The following GPM6A variants were observed in gnomAD, a reference collection of about 807,000 sequenced individuals.
GPM6A encodes the protein neuronal membrane glycoprotein M6-a.
In GPM6A, 7 loss-of-function variants were observed where a neutral mutation model predicts 32.1. That is an observed-to-expected ratio of 0.22 (90% CI 0.12 to 0.41). The LOEUF (loss-of-function observed/expected upper bound fraction) is 0.41, where lower values mean the gene tolerates loss of function less well. GPM6A is among the 10% of genes least tolerant of loss of function. The probability of loss-of-function intolerance (pLI) is 1.00; values close to 1 mark genes in which losing one functional copy is unlikely to be tolerated. For missense variants in GPM6A, 235 were observed against 347.2 expected (o/e 0.68, Z 2.57); for synonymous variants, 130 against 123.4 (o/e 1.05, Z -0.35).
chr4:175,956,509 C>T (rs1467616198), intron 1 of GPM6A, among the ~76,000 whole-genome samples: 2 of 151,718 alleles, frequency 1.3e-5, no homozygotes, highest in Non-Finnish European at 2.9e-5. Flanking sequence ...AGTTTTAAAC[C>T]AATAGTTAAG....
At chr4:175,855,945 G>T (rs552460622) in intron 1 of GPM6A, among the ~76,000 whole-genome samples, 30 of 152,298 alleles carry the variant, frequency 2.0e-4, no homozygotes, top group African/African-American at 7.0e-4. Context: ...AGAGCCTAGC[G>T]CTCGCTCTTG....
At chr4:175,749,714 C>T (rs546396094) in intron 1 of GPM6A, among the ~76,000 whole-genome samples, 9 of 152,228 alleles carry the variant, frequency 5.9e-5, no homozygotes, top group Admixed American at 3.3e-4. Flanking sequence ...ATGTAAAAAG[C>T]GATGGATGTC....
intron 1 of GPM6A, among the ~76,000 whole-genome samples, chr4:175,980,546 A>C (rs1216001521): frequency 6.6e-6 from 1 of 152,226 alleles, no homozygotes. Flanking sequence ...GGAATATTCT[A>C]GTAAATTTGT....
intron 2 of GPM6A, among the ~76,000 whole-genome samples, chr4:175,692,621 T>C (rs1238685791): frequency 3.9e-5 from 6 of 152,098 alleles, no homozygotes; most frequent in African/African-American, 1.4e-4. Flanking sequence ...TTCTCAGTTT[T>C]TTTAAATACA....
intron 1 of GPM6A, among the ~76,000 whole-genome samples, chr4:175,728,295 A>G (rs1411397805): frequency 6.6e-6 from 1 of 152,180 alleles, no homozygotes; most frequent in Admixed American, 6.5e-5. Context: ...ACTAAAAATG[A>G]TCCATCACCA....
chr4:175,642,020 T>G (rs1741176667), intron 4 of GPM6A: 1 of 152,154 alleles, frequency 6.6e-6, no homozygotes, highest in Admixed American at 6.6e-5. Flanking sequence ...GTATATGTAT[T>G]TACATATTCT....
intron 1 of GPM6A, among the ~76,000 whole-genome samples, chr4:175,987,524 TTGTGTGTGTGTG>T (rs141045074): frequency 1.3e-5 from 2 of 148,602 alleles, no homozygotes; most frequent in Non-Finnish European, 3.0e-5. Context: ...TAAAGTGTGT[TTGTGTGTGTGTG>T]TGTGTGTGTG....
rs1214236577 is a variant in GPM6A at position 175,671,970 on chromosome 4, T to C, written c.387+1710A>G. 1.3e-4 allele frequency among the ~76,000 whole-genome samples: 19 copies of C among 143,444 alleles called. No homozygotes were observed. The East Asian group carries it at 3.5e-3, about 26-fold the overall frequency. 94.1% of individuals were successfully genotyped at this position (143,444 alleles called of 152,430 possible). On this transcript the variant is annotated intron_variant, in intron 3 of 6. Transcript: ENST00000393658. The stretch of plus-strand genomic sequence containing the variant: ...CTGTTGGGTGGGACTGGTGACACAA[T>C]TGTTACCATTATAGAAAAAAAAAAA...
chr4:175,802,580 A>G (rs2111307025), intron 1 of GPM6A, among the ~76,000 whole-genome samples: 1 of 152,248 alleles, frequency 6.6e-6, no homozygotes. Flanking sequence ...TACCTTGAAC[A>G]TTACTAAACA....
chr4:175,680,786 T>C (rs1390227272), intron 2 of GPM6A, among the ~76,000 whole-genome samples: 5 of 152,216 alleles, frequency 3.3e-5, no homozygotes. Flanking sequence ...AGTGTGTGCA[T>C]GTTTGTGTAT....
chr4:175,709,596 C>T (rs908474999), intron 1 of GPM6A, among the ~76,000 whole-genome samples: 6 of 151,722 alleles, frequency 4.0e-5, no homozygotes, highest in African/African-American at 7.3e-5. Context: ...AGCGTGGTGG[C>T]GCTCACTTGT....
chr4:175,847,018 C>A (rs1736112857), intron 1 of GPM6A, among the ~76,000 whole-genome samples: 2 of 152,108 alleles, frequency 1.3e-5, no homozygotes, highest in South Asian at 4.1e-4. Flanking sequence ...ATCAACGAAT[C>A]TCCCTTTTTA....
intron 1 of GPM6A, among the ~76,000 whole-genome samples, chr4:175,846,914 T>C (rs1023600639): frequency 6.6e-6 from 1 of 152,150 alleles, no homozygotes; most frequent in African/African-American, 2.4e-5. Context: ...GTTTAATGCA[T>C]TTGTCTTACA....
intron 1 of GPM6A, among the ~76,000 whole-genome samples, chr4:175,983,752 T>C (rs937104303): frequency 2.0e-5 from 3 of 152,216 alleles, no homozygotes; most frequent in African/African-American, 4.8e-5. Flanking sequence ...TATTTTATTT[T>C]TGTCTGCTTT....
chr4:175,918,019 CAAGAT>C (rs1343996558), intron 1 of GPM6A, among the ~76,000 whole-genome samples: 20 of 151,946 alleles, frequency 1.3e-4, no homozygotes, highest in Admixed American at 1.3e-3. Flanking sequence ...TAAATCCCAT[CAAGAT>C]AAAAGAGTAA....
chr4:175,801,624 G>A (rs143338220), intron 1 of GPM6A, among the ~76,000 whole-genome samples: 138 of 152,102 alleles, frequency 9.1e-4, no homozygotes, highest in African/African-American at 3.0e-3. Context: ...AAAATTGAGC[G>A]TGTCAGATAA....
chr4:175,858,140 T>C (rs1736469286), intron 1 of GPM6A, among the ~76,000 whole-genome samples: 1 of 152,136 alleles, frequency 6.6e-6, no homozygotes, highest in Admixed American at 6.6e-5. Context: ...AATAAATATA[T>C]GAATGGTAAA....
chr4:175,905,527 C>T (rs1348436958), intron 1 of GPM6A, among the ~76,000 whole-genome samples: 1 of 152,064 alleles, frequency 6.6e-6, no homozygotes, highest in Non-Finnish European at 1.5e-5. Flanking sequence ...ACAAACCATT[C>T]TCCCTTTCCT....
intron 1 of GPM6A, among the ~76,000 whole-genome samples, chr4:175,895,660 T>G (rs950531082): frequency 6.6e-6 from 1 of 152,172 alleles, no homozygotes; most frequent in African/African-American, 2.4e-5. Context: ...ATTGGTAAAG[T>G]CTCAACTGTA....
Sources: allele counts gnomAD v4.1 joint callset (sites outside exome capture counted in the v4.1 genomes callset), GRCh38; gene constraint gnomAD v4.1.1; transcripts MANE v1.5; gene names NCBI Gene and HGNC (gene_info 2026-07-23, HGNC 2026-07-21).